The following UBA6 variants were observed in gnomAD, a reference collection of about 807,000 sequenced individuals.
UBA6 encodes the protein ubiquitin-like modifier-activating enzyme 6.
In UBA6, 87 loss-of-function variants were observed where a neutral mutation model predicts 148.3. The ratio of observed to expected loss-of-function variants is 0.59; its 90% CI spans 0.49 to 0.70. The LOEUF (loss-of-function observed/expected upper bound fraction) is 0.70. Among genes scored for constraint, UBA6 ranks in the 30% least tolerant of loss-of-function variants. The probability of loss-of-function intolerance (pLI) is 0.00; values close to 1 mark genes in which losing one functional copy is unlikely to be tolerated. For synonymous variants in UBA6, 376 were observed against 401.0 expected, an observed-to-expected ratio of 0.94 and a Z score of 0.75; for missense variants, 1,186 against 1,241.2, an observed-to-expected ratio of 0.96 and a Z score of 0.67.
intron 26 of UBA6, 24 bp downstream of exon 26, chr4:67,630,442 G>T (rs747028162): frequency 1.7e-5 from 26 of 1,541,414 alleles, no homozygotes; most frequent in Non-Finnish European, 2.3e-5. Context: ...TGCATCACTT[G>T]CTAAGGCTTA....
At position 67,668,665 on chromosome 4, in the gene UBA6, C is replaced by G; in HGVS notation, c.679G>C (p.Gly227Arg). 1 of 1,612,292 alleles carries G rather than the reference C, an allele frequency of 6.2e-7. No individual in the cohort carries two copies. Among genetic ancestry groups the G allele is most frequent in the Non-Finnish European group, 8.5e-7 (1 of 1,178,992 alleles). ...TGATTTTCAAGGCAAGTAACAATGC[C>G]AGGATTTGCCTAAAAATAAGAGTAA... The part of the protein sequence containing the change: ...FISNITQANP[G>R]IVTCLENHPH... Residue 227 changes from glycine to arginine, a missense_variant, in exon 9 of 33, where the codon GGC becomes CGC. Coordinates refer to ENST00000322244, the MANE Select transcript of UBA6 (RefSeq NM_018227.6).
rs1440416748 is a variant in UBA6, at chr4:67,630,478, T to C, written c.2316A>G (p.Pro772=). The stretch of plus-strand genomic sequence containing the variant: ...AAGAATATCTTACCTCTTCTGCAAA[T>C]GGAATACAATATACTGTAGCATATA... ...AKLYATVYCI[P]FAEEDLSADA... The change falls in exon 26 of 33, where the codon CCA becomes CCG. Residue 772 remains proline, a synonymous_variant. Coordinates refer to ENST00000322244, the MANE Select transcript of UBA6 (RefSeq NM_018227.6). 6.3e-7 allele frequency: 1 copy of C among 1,587,100 alleles called. No homozygotes were observed.
chr4:67,642,102 C>CA (rs1200104611), intron 17 of UBA6, among the ~76,000 whole-genome samples: 2 of 151,874 alleles, frequency 1.3e-5, no homozygotes, highest in Non-Finnish European at 2.9e-5. Flanking sequence ...TATCTTTTAA[C>CA]AAAAAAGCTT....
chr4:67,657,384 C>T (rs1729725491), intron 13 of UBA6, among the ~76,000 whole-genome samples: 1 of 152,146 alleles, frequency 6.6e-6, no homozygotes, highest in East Asian at 1.9e-4. Flanking sequence ...CACCACACAT[C>T]TACAACCATC....
chr4:67,644,260 T>C (rs1162023742), intron 17 of UBA6, among the ~76,000 whole-genome samples: 1 of 152,124 alleles, frequency 6.6e-6, no homozygotes, highest in African/African-American at 2.4e-5. Context: ...TTTATATTTT[T>C]CCCACTACTT....
chr4:67,699,569 T>C (rs1019356063), intron 1 of UBA6, among the ~76,000 whole-genome samples: 6 of 152,170 alleles, frequency 3.9e-5, no homozygotes, highest in Non-Finnish European at 8.8e-5. Context: ...TGTTTGGGCA[T>C]TGTAACAAAA....
chr4:67,668,627 C>T lies in UBA6; in HGVS notation c.717G>A (p.Leu239=), dbSNP rs1048943925. The change falls in exon 9 of 33, where the codon CTG becomes CTA. Residue 239 remains leucine (L), a synonymous_variant. Coordinates refer to ENST00000322244, the MANE Select transcript of UBA6 (RefSeq NM_018227.6). ...VTCLENHPHK[L]ETGQFLTFRE... ...GAAATGTTAGGAATTGTCCTGTCTC[C>T]AGTTTGTGAGGATGATTTTCAAGGC... 1.2e-6 allele frequency: 2 copies of T among 1,612,974 alleles called. No homozygotes were observed. Among genetic ancestry groups the T allele is most frequent in the Non-Finnish European group, 1.7e-6 (2 of 1,179,302 alleles).
intron 2 of UBA6, among the ~76,000 whole-genome samples, chr4:67,694,878 T>C (rs1001874063): frequency 6.6e-6 from 1 of 152,206 alleles, no homozygotes; most frequent in African/African-American, 2.4e-5. Context: ...ATGTTTGCAA[T>C]AAGACACGCA....
At chr4:67,666,452 C>T (rs1729998247) in intron 9 of UBA6, among the ~76,000 whole-genome samples, 1 of 151,448 alleles carries the variant, frequency 6.6e-6, no homozygotes, top group Admixed American at 6.6e-5. Flanking sequence ...GAACACCAAA[C>T]TCAGCTGCTG....
chr4:67,618,763 C>G lies in UBA6; in HGVS notation c.*234G>C, dbSNP rs1728685663. 5.2e-6 allele frequency: 2 copies of G among 385,688 alleles called. No individual in the cohort carries two copies. The highest frequency in any genetic ancestry group is 4.6e-6 in the Non-Finnish European group (1 of 217,720). 23.9% of individuals were successfully genotyped at this position (385,688 alleles called of 1,614,324 possible). A position where few individuals can be genotyped will look rare whatever the true frequency, so the allele number is the denominator to read the frequency against. On this transcript the variant is annotated 3_prime_UTR_variant, in exon 33 of 33. Transcript: ENST00000322244. ...ACACAAAACTTTTGTAAATAGCATT[C>G]CAGTTCAAAGTTGCTTGTGATCATA...
At chr4:67,637,783 C>T (rs935333238) in intron 19 of UBA6, among the ~76,000 whole-genome samples, 8 of 151,950 alleles carry the variant, frequency 5.3e-5, no homozygotes, top group African/African-American at 1.9e-4. Flanking sequence ...TCTCAAGTAC[C>T]CAGGGACACA....
At chr4:67,678,690 C>G (rs892764246) in intron 4 of UBA6, among the ~76,000 whole-genome samples, 157 bp from the exon 5 acceptor site, 9 of 152,128 alleles carry the variant, frequency 5.9e-5, no homozygotes, top group African/African-American at 2.2e-4. Context: ...GATGTTCAAC[C>G]TTGCCCAGAA....
At chr4:67,676,787 A>C (rs1186736500) in intron 6 of UBA6, among the ~76,000 whole-genome samples, 1 of 152,148 alleles carries the variant, frequency 6.6e-6, no homozygotes, top group Non-Finnish European at 1.5e-5. Context: ...ATTTAAAAGA[A>C]AGTCTGTTTA....
At position 67,670,453 on chromosome 4, in the gene UBA6, C is replaced by T. The variant is rs1730116694; in HGVS notation, c.669+17G>A. ...TTTAACAAAATTTATTTTAAAAGTT[C>T]ATTAATATAATCATACTTGCGTTAT... On this transcript the variant is annotated intron_variant, in intron 8 of 32. Transcript: ENST00000322244. 3 of 1,549,422 alleles carry T rather than the reference C, an allele frequency of 1.9e-6. No individual in the cohort carries two copies. The highest frequency in any genetic ancestry group is 1.4e-5 in the African/African-American group (1 of 72,650).
intron 13 of UBA6, among the ~76,000 whole-genome samples, chr4:67,652,734 A>G (rs1399143847): frequency 6.6e-6 from 1 of 152,232 alleles, no homozygotes. Flanking sequence ...CACCTCACCC[A>G]GGAAGCACAA....
chr4:67,689,011 C>T (rs1730633951), intron 2 of UBA6, among the ~76,000 whole-genome samples: 1 of 152,056 alleles, frequency 6.6e-6, no homozygotes, highest in Non-Finnish European at 1.5e-5. Context: ...ACTGATTTTT[C>T]AACTCTACAA....
chr4:67,661,865 A>AGTGG (rs35643767), intron 13 of UBA6: 135,974 of 358,128 alleles, frequency 0.38, 26,199 homozygotes, highest in Middle Eastern at 0.47. Context: ...TATAAGTTTA[A>AGTGG]GTTAACAAAT....
intron 2 of UBA6, among the ~76,000 whole-genome samples, chr4:67,682,620 C>G (rs545850260): frequency 6.6e-6 from 1 of 151,718 alleles, no homozygotes; most frequent in Admixed American, 6.6e-5. Flanking sequence ...GCAACAACAA[C>G]AAAAAAAATT....
intron 4 of UBA6, 30 bp downstream of exon 4, chr4:67,681,530 TAAC>T: frequency 1.3e-6 from 2 of 1,509,758 alleles, no homozygotes; most frequent in South Asian, 1.2e-5. Flanking sequence ...AAAAGGCTCA[TAAC>T]AATTTTTCTT....
Sources: allele counts gnomAD v4.1 joint callset (sites outside exome capture counted in the v4.1 genomes callset), GRCh38; gene constraint gnomAD v4.1.1; transcripts MANE v1.5; gene names NCBI Gene and HGNC (gene_info 2026-07-23, HGNC 2026-07-21).